The following ADGRL2 variants were observed in gnomAD, a reference collection of about 807,000 sequenced individuals.
The protein encoded by ADGRL2 is adhesion G protein-coupled receptor L2.
A neutral mutation model predicts 157.4 loss-of-function variants in ADGRL2; 44 were observed. The observed-to-expected ratio is 0.28, with a 90% CI of 0.22 to 0.36. ADGRL2 has a LOEUF of 0.36. ADGRL2 is among the 10% of genes least tolerant of loss of function. The pLI, the probability that ADGRL2 is intolerant of heterozygous loss-of-function variation, is 1.00. For synonymous variants in ADGRL2, 585 were observed against 624.7 expected (o/e 0.94, Z 0.95); for missense variants, 1,510 against 1,768.9 (o/e 0.85, Z 2.63).
intron 2 of ADGRL2, among the ~76,000 whole-genome samples, chr1:81,550,929 G>A (rs1034512366): frequency 1.3e-5 from 2 of 152,128 alleles, no homozygotes; most frequent in Non-Finnish European, 2.9e-5. Context: ...GAACAAGTTT[G>A]GGTGTGAACT....
intron 2 of ADGRL2, among the ~76,000 whole-genome samples, chr1:81,490,450 A>C (rs1288435540): frequency 6.6e-6 from 1 of 152,106 alleles, no homozygotes; most frequent in African/African-American, 2.4e-5. Flanking sequence ...TATTCCTAAA[A>C]ATTATTAGAA....
At chr1:81,755,701 A>G (rs1498207) in intron 1 of ADGRL2, among the ~76,000 whole-genome samples, 71,107 of 151,624 alleles carry the variant, frequency 0.47, 17,585 homozygotes, top group East Asian at 0.85. Context: ...TGGTTTTGCT[A>G]TTCTACATTC....
chr1:81,442,899 C>T (rs2077534032), intron 1 of ADGRL2, among the ~76,000 whole-genome samples: 2 of 152,202 alleles, frequency 1.3e-5, no homozygotes, highest in South Asian at 4.1e-4. Flanking sequence ...GGTAGTTTTT[C>T]ACCCTGTTTC....
intron 2 of ADGRL2, among the ~76,000 whole-genome samples, chr1:81,550,914 A>C (rs907473310): frequency 6.6e-6 from 1 of 152,152 alleles, no homozygotes; most frequent in African/African-American, 2.4e-5. Context: ...GAGTCAAAAC[A>C]GGAAGAACAA....
intron 3 of ADGRL2, among the ~76,000 whole-genome samples, chr1:81,910,690 G>T (rs1254235827): frequency 2.0e-5 from 3 of 149,130 alleles, no homozygotes; most frequent in African/African-American, 4.9e-5. Context: ...CTATATGTAA[G>T]ATAGTATAAA....
chr1:81,533,666 A>C (rs1290196519), intron 2 of ADGRL2, among the ~76,000 whole-genome samples: 2 of 152,222 alleles, frequency 1.3e-5, no homozygotes, highest in African/African-American at 4.8e-5. Flanking sequence ...TTATCTGAAC[A>C]ATCTTAATAT....
intron 3 of ADGRL2, among the ~76,000 whole-genome samples, chr1:81,651,445 G>A (rs2082417943): frequency 6.6e-6 from 1 of 152,056 alleles, no homozygotes; most frequent in Non-Finnish European, 1.5e-5. Context: ...TAAAACAATG[G>A]CACTTGCTTA....
intron 2 of ADGRL2, among the ~76,000 whole-genome samples, chr1:81,467,916 G>T (rs1373912224): frequency 2.6e-5 from 4 of 152,050 alleles, no homozygotes; most frequent in Non-Finnish European, 5.9e-5. Flanking sequence ...AATCAGAATT[G>T]AAATTAGTCA....
chr1:81,416,445 C>A (rs951217342), intron 1 of ADGRL2, among the ~76,000 whole-genome samples: 1 of 152,080 alleles, frequency 6.6e-6, no homozygotes, highest in African/African-American at 2.4e-5. Flanking sequence ...TTGTTCCCTG[C>A]GTGCTACCTC....
intron 17 of ADGRL2, among the ~76,000 whole-genome samples, chr1:81,973,597 A>T (rs543910844): frequency 6.6e-6 from 1 of 152,232 alleles, no homozygotes; most frequent in Admixed American, 6.5e-5. Flanking sequence ...AATTTTCAAC[A>T]TACTCAGCTT....
At chr1:81,796,006 C>T (rs1010166735), upstream of ADGRL2, among the ~76,000 whole-genome samples, 4 of 150,248 alleles carry the variant, frequency 2.7e-5, no homozygotes, top group African/African-American at 1.0e-4. Context: ...TTTTTTGAGA[C>T]GGAGTCTCAC....
At chr1:81,624,135 A>G (rs2148722364) in intron 3 of ADGRL2, among the ~76,000 whole-genome samples, 1 of 152,264 alleles carries the variant, frequency 6.6e-6, no homozygotes, top group South Asian at 2.1e-4. Flanking sequence ...TCAAAGGGAC[A>G]CCGATACCTG....
At chr1:81,335,430 G>A (rs1344213951) in intron 1 of ADGRL2, among the ~76,000 whole-genome samples, 1 of 152,082 alleles carries the variant, frequency 6.6e-6, no homozygotes, top group Admixed American at 6.6e-5. Context: ...TCATTCATTA[G>A]TTATTTACAC....
chr1:81,654,298 C>G (rs1050991252), intron 3 of ADGRL2, among the ~76,000 whole-genome samples: 2 of 152,176 alleles, frequency 1.3e-5, no homozygotes, highest in Non-Finnish European at 2.9e-5. Flanking sequence ...GCAGTGTTCT[C>G]TCAGTCACCC....
intron 2 of ADGRL2, among the ~76,000 whole-genome samples, chr1:81,787,661 A>T (rs549567440): frequency 6.6e-6 from 1 of 152,158 alleles, no homozygotes; most frequent in Admixed American, 6.5e-5. Flanking sequence ...GTCTCAAAAA[A>T]AAAAGAAAAG....
chr1:81,622,232 G>A (rs6691253), intron 3 of ADGRL2, among the ~76,000 whole-genome samples: 19,118 of 152,092 alleles, frequency 0.13, 1,655 homozygotes, highest in Non-Finnish European at 0.18. Context: ...CCATTATTCC[G>A]CTGGTCTTAT....
chr1:81,717,064 C>T (rs2084142437), intron 1 of ADGRL2, among the ~76,000 whole-genome samples: 1 of 152,214 alleles, frequency 6.6e-6, no homozygotes, highest in African/African-American at 2.4e-5. Flanking sequence ...TATTAGCATA[C>T]ATGAGCCTTT....
At chr1:81,886,783 G>A (rs2094138009) in intron 2 of ADGRL2, among the ~76,000 whole-genome samples, 1 of 152,058 alleles carries the variant, frequency 6.6e-6, no homozygotes, top group Admixed American at 6.6e-5. Flanking sequence ...AAAATGGAGT[G>A]TTTTCATATA....
At chr1:81,517,543 A>G (rs1263504389) in intron 2 of ADGRL2, among the ~76,000 whole-genome samples, 1 of 151,074 alleles carries the variant, frequency 6.6e-6, no homozygotes, top group East Asian at 1.9e-4. Flanking sequence ...CTCAGCTACC[A>G]ACATATGGCT....
Sources: gnomAD v4.1 joint callset for allele counts (sites outside exome capture counted in the v4.1 genomes callset) on GRCh38, gnomAD v4.1.1 for gene constraint, MANE v1.5 for transcripts, NCBI Gene and HGNC (gene_info 2026-07-23, HGNC 2026-07-21) for gene names.